The following PTN variants were observed in gnomAD, a reference collection of about 807,000 sequenced individuals.
PTN encodes heparin affin regulatory protein.
In PTN, 18 loss-of-function variants were observed where a neutral mutation model predicts 24.1. That is an observed-to-expected ratio of 0.75 (90% CI 0.52 to 1.11). PTN has a LOEUF of 1.11. PTN is among the 50% of genes least tolerant of loss of function. The pLI, the probability that PTN is intolerant of heterozygous loss-of-function variation, is 0.00. For synonymous variants in PTN, 78 were observed against 68.6 expected (o/e 1.14, Z -0.67); for missense variants, 163 against 198.8 (o/e 0.82, Z 1.08).
At chr7:137,270,267 A>G (rs1809252840) in intron 1 of PTN, among the ~76,000 whole-genome samples, 1 of 152,218 alleles carries the variant, frequency 6.6e-6, no homozygotes, top group African/African-American at 2.4e-5. Flanking sequence ...TAATTTTAAG[A>G]CAGGGATTCA....
intron 4 of PTN, among the ~76,000 whole-genome samples, chr7:137,235,628 T>G (rs925818213): frequency 3.9e-5 from 6 of 152,150 alleles, no homozygotes; most frequent in African/African-American, 1.4e-4. Context: ...TTGTTTCATT[T>G]CCTCTTTTAT....
chr7:137,273,963 ATTTG>A (rs1190483135), intron 1 of PTN, among the ~76,000 whole-genome samples: 2 of 152,042 alleles, frequency 1.3e-5, no homozygotes, highest in African/African-American at 4.8e-5. Context: ...ACTTTTGCTT[ATTTG>A]TTTATTACAA....
At chr7:137,290,079 G>C (rs1431527554) in intron 1 of PTN, among the ~76,000 whole-genome samples, 2 of 152,188 alleles carry the variant, frequency 1.3e-5, no homozygotes, top group African/African-American at 2.4e-5. Context: ...GGAAGGCAAG[G>C]AGGAGCAAGT....
At chr7:137,252,279 A>G (rs1808841377) in intron 3 of PTN, among the ~76,000 whole-genome samples, 1 of 151,910 alleles carries the variant, frequency 6.6e-6, no homozygotes, top group South Asian at 2.1e-4. Flanking sequence ...GTTCCCTAAT[A>G]AGGAAAAGAT....
chr7:137,340,862 C>T (rs996262550), intron 1 of PTN, among the ~76,000 whole-genome samples: 6 of 152,162 alleles, frequency 3.9e-5, no homozygotes, highest in Non-Finnish European at 5.9e-5. Context: ...ATTGGGTGGT[C>T]TCAGTCTGGA....
intron 1 of PTN, among the ~76,000 whole-genome samples, chr7:137,335,928 C>CCTTT (rs1452375474): frequency 7.0e-6 from 1 of 141,896 alleles, no homozygotes. Context: ...TGTCTTCTCG[C>CCTTT]TTTTTTTTTT....
At position 137,227,379 on chromosome 7, in the gene PTN, T is replaced by C. The variant is rs965731398; in HGVS notation, c.*641A>G. On this transcript the variant is annotated 3_prime_UTR_variant, in exon 5 of 5. Transcript: ENST00000348225. ...ATCACCTTGATTTATTTTCCTAGTA[T>C]TTTTTTCCTCAGATGGAAAAATAAT... 4.0e-5 allele frequency: 6 copies of C among 151,620 alleles called. No individual in the cohort carries two copies. The highest frequency in any genetic ancestry group is 3.3e-4 in the Admixed American group (5 of 15,092). 9.4% of individuals were successfully genotyped at this position (151,620 alleles called of 1,614,324 possible).
rs1273135443 is a variant in PTN at position 137,237,313 on chromosome 7, C to T, written c.452-9238G>A. On this transcript the variant is annotated intron_variant, in intron 4 of 4. Transcript: ENST00000348225. ...AAGAGGGGCCTCATAGGGCACCAAC[C>T]CTGACAATACCTTGATCTCAGACTT... Among the ~76,000 whole-genome samples, 3 of 152,220 alleles carry T rather than the reference C, an allele frequency of 2.0e-5. No homozygotes were observed. In the South Asian group the frequency reaches 6.2e-4, roughly 32 times the overall value.
At position 137,339,568 on chromosome 7, in the gene PTN, C is replaced by CAAAAAAAAA. The variant is rs58934357; in HGVS notation, c.-2+3862_-2+3870dup. 6.5e-4 allele frequency among the ~76,000 whole-genome samples: 81 copies of CAAAAAAAAA among 123,736 alleles called. 1 individual carries two copies. The highest frequency in any genetic ancestry group is 1.1e-3 in the South Asian group (4 of 3,680). The allele number at this position is 123,736 out of a possible 152,430, so 81.2% of individuals were successfully genotyped here. On this transcript the variant is annotated intron_variant, in intron 1 of 4. Coordinates refer to ENST00000348225, the MANE Select transcript of PTN (RefSeq NM_002825.7). ...CTGACCCTTAGGCAGGGTCTTGAAT[C>CAAAAAAAAA]AAAAAAAAAAAAAAAAATGGGGGAA...
chr7:137,249,228 A>G (rs570036312), intron 4 of PTN, among the ~76,000 whole-genome samples: 34 of 150,866 alleles, frequency 2.3e-4, no homozygotes, highest in Non-Finnish European at 3.5e-4. Context: ...CCTTATTATA[A>G]AGTTGAATTT....
chr7:137,277,711 A>G (rs888514716), intron 1 of PTN, among the ~76,000 whole-genome samples: 1 of 152,128 alleles, frequency 6.6e-6, no homozygotes, highest in Non-Finnish European at 1.5e-5. Context: ...CTGGGACTAC[A>G]GGCACATGTC....
rs569347347 is a variant in PTN, at chr7:137,292,522, G to A, written c.-1-37548C>T. Among the ~76,000 whole-genome samples, 701 of 152,066 alleles carry A rather than the reference G, an allele frequency of 4.6e-3. 3 individuals carry two copies. The highest frequency in any genetic ancestry group is 7.7e-3 in the Non-Finnish European group (524 of 68,006). ...TAAGACGTCCCTTTGCTCTTCCTTC[G>A]TCTTCTGCCATAATTGTGAGGCCTC... On this transcript the variant is annotated intron_variant, in intron 1 of 4. Coordinates refer to ENST00000348225, the MANE Select transcript of PTN (RefSeq NM_002825.7).
intron 1 of PTN, among the ~76,000 whole-genome samples, chr7:137,283,772 G>A (rs1032923878): frequency 6.6e-6 from 1 of 151,954 alleles, no homozygotes; most frequent in East Asian, 1.9e-4. Context: ...AATCAGGGAC[G>A]GTGATTCTGA....
intron 1 of PTN, among the ~76,000 whole-genome samples, chr7:137,339,165 G>A (rs1300224121): frequency 2.0e-5 from 3 of 152,100 alleles, no homozygotes; most frequent in Non-Finnish European, 4.4e-5. Context: ...GACTTTTAAA[G>A]CATCTTTTCC....
At chr7:137,254,760 G>A (rs1168522378) in intron 2 of PTN, 99 bp downstream of exon 2, 5 of 683,040 alleles carry the variant, frequency 7.3e-6, no homozygotes, top group Non-Finnish European at 1.1e-5. Context: ...GAATAGGAAG[G>A]GAGAGAGGCA....
At chr7:137,230,003 C>T (rs1285363963) in intron 4 of PTN, among the ~76,000 whole-genome samples, 1 of 151,736 alleles carries the variant, frequency 6.6e-6, no homozygotes, top group African/African-American at 2.4e-5. Context: ...TTCCTCATGT[C>T]CCTTCCTGGA....
intron 1 of PTN, among the ~76,000 whole-genome samples, chr7:137,333,728 C>T (rs1197344062): frequency 1.3e-5 from 2 of 152,112 alleles, no homozygotes; most frequent in African/African-American, 2.4e-5. Context: ...GAGCCTGCAT[C>T]GCCAAGTCAA....
intron 1 of PTN, among the ~76,000 whole-genome samples, chr7:137,265,002 G>C (rs1809114679): frequency 6.8e-6 from 1 of 148,132 alleles, no homozygotes; most frequent in Non-Finnish European, 1.5e-5. Context: ...GACACATAGA[G>C]TGTAAAAAGT....
chr7:137,299,710 A>G (rs1809775804), intron 1 of PTN, among the ~76,000 whole-genome samples: 1 of 151,868 alleles, frequency 6.6e-6, no homozygotes, highest in Non-Finnish European at 1.5e-5. Flanking sequence ...CCTCACCCCT[A>G]TGCCTGCCCT....
Sources: gnomAD v4.1 joint callset for allele counts (sites outside exome capture counted in the v4.1 genomes callset) on GRCh38, gnomAD v4.1.1 for gene constraint, MANE v1.5 for transcripts, NCBI Gene and HGNC (gene_info 2026-07-23, HGNC 2026-07-21) for gene names.